MIPOL1: variants seen among roughly 807,000 people sequenced by gnomAD.
MIPOL1 encodes mirror-image polydactyly gene 1 protein.
Under a neutral mutation model 60.9 loss-of-function variants are expected in MIPOL1, and 57 were observed. The observed-to-expected ratio is 0.94, with a 90% CI of 0.76 to 1.17. The LOEUF (loss-of-function observed/expected upper bound fraction) is 1.17, where lower values mean the gene tolerates loss of function less well. Ranked by LOEUF, MIPOL1 falls within the 50% of genes most tolerant of loss-of-function variation. The pLI is 0.00. For missense variants in MIPOL1, 551 were observed against 511.6 expected (o/e 1.08, Z -0.74); for synonymous variants, 179 against 168.8 (o/e 1.06, Z -0.47).
At chr14:37,314,949 A>G (rs555907987) in intron 9 of MIPOL1, among the ~76,000 whole-genome samples, 9 of 152,302 alleles carry the variant, frequency 5.9e-5, no homozygotes, top group African/African-American at 1.9e-4. Flanking sequence ...GAACTCAGCA[A>G]TAATCCAGAT....
At chr14:37,537,495 G>C (rs2095511455) in intron 12 of MIPOL1, among the ~76,000 whole-genome samples, 1 of 152,006 alleles carries the variant, frequency 6.6e-6, no homozygotes, top group Admixed American at 6.6e-5. Flanking sequence ...TATGCCCACA[G>C]CCGAATCAAT....
In MIPOL1 at chr14:37,510,659, C is replaced by T. The variant is rs190342408; in HGVS notation, c.1262+10521C>T. Among the ~76,000 whole-genome samples the T allele has an allele frequency of 2.6e-5, 4 of 152,186 alleles. No individual in the cohort carries two copies. In the East Asian group the frequency reaches 7.7e-4, roughly 29 times the overall value. On this transcript the variant is annotated intron_variant, in intron 12 of 12. Coordinates refer to ENST00000684589, the MANE Select transcript of MIPOL1 (RefSeq NM_001388067.1). The stretch of plus-strand genomic sequence containing the variant: ...CTCTTCTAAAAACTCATGCAGATAC[C>T]TGCTGTAAAGTAAGTACTCTGTAAA...
At chr14:37,344,881 A>C (rs1295145223) in intron 9 of MIPOL1, among the ~76,000 whole-genome samples, 3 of 151,922 alleles carry the variant, frequency 2.0e-5, no homozygotes, top group Non-Finnish European at 2.9e-5. Context: ...ATTTTTAAAA[A>C]TACCCGGGCA....
intron 10 of MIPOL1, among the ~76,000 whole-genome samples, chr14:37,394,807 G>T (rs2093339618): frequency 6.6e-6 from 1 of 151,976 alleles, no homozygotes; most frequent in African/African-American, 2.4e-5. Context: ...TATTGCATTT[G>T]CTTTTGGGTT....
chr14:37,547,246 C>T lies in MIPOL1; in HGVS notation c.*275C>T. 1 of 343,968 alleles carries T rather than the reference C, an allele frequency of 2.9e-6. No individual in the cohort carries two copies. The highest frequency in any genetic ancestry group is 5.3e-6 in the Non-Finnish European group (1 of 189,620). The allele number at this position is 343,968 out of a possible 1,614,324, so 21.3% of individuals were successfully genotyped here. ...TTGTAACTATTTTATATCTCAATAT[C>T]TTTAATATAAATCTTTTTACTGAGA... On this transcript the variant is annotated 3_prime_UTR_variant, in exon 13 of 13. Coordinates refer to ENST00000684589, the MANE Select transcript of MIPOL1 (RefSeq NM_001388067.1).
At chr14:37,258,667 T>C (rs1259551838) in intron 3 of MIPOL1, among the ~76,000 whole-genome samples, 1 of 152,136 alleles carries the variant, frequency 6.6e-6, no homozygotes, top group East Asian at 1.9e-4. Flanking sequence ...TATTACGCTA[T>C]TATATTGTGC....
At chr14:37,217,969 T>A (rs1968038843) in intron 1 of MIPOL1, among the ~76,000 whole-genome samples, 1 of 152,122 alleles carries the variant, frequency 6.6e-6, no homozygotes, top group African/African-American at 2.4e-5. Flanking sequence ...ATCTCACATT[T>A]AAAAAAATTA....
At chr14:37,231,248 C>A (rs2153314546) in intron 1 of MIPOL1, among the ~76,000 whole-genome samples, 1 of 152,156 alleles carries the variant, frequency 6.6e-6, no homozygotes, top group East Asian at 1.9e-4. Flanking sequence ...CCACCATGCC[C>A]AGCTAATGTT....
intron 9 of MIPOL1, among the ~76,000 whole-genome samples, chr14:37,329,973 A>G (rs1460278911): frequency 2.0e-5 from 3 of 152,128 alleles, no homozygotes; most frequent in Non-Finnish European, 4.4e-5. Context: ...TTACAAGGTT[A>G]TAACTGTACA....
chr14:37,530,943 G>A (rs753391001), intron 12 of MIPOL1, among the ~76,000 whole-genome samples: 2 of 151,208 alleles, frequency 1.3e-5, no homozygotes, highest in Non-Finnish European at 3.0e-5. Context: ...TCAGCCCCCC[G>A]AGTAGCTGAG....
intron 9 of MIPOL1, among the ~76,000 whole-genome samples, chr14:37,341,240 G>T (rs2090552171): frequency 6.6e-6 from 1 of 152,166 alleles, no homozygotes; most frequent in Non-Finnish European, 1.5e-5. Context: ...GGCATCAATG[G>T]ATTTGCTTGA....
chr14:37,528,724 CTA>C (rs1289511227), intron 12 of MIPOL1, among the ~76,000 whole-genome samples: 1 of 152,094 alleles, frequency 6.6e-6, no homozygotes, highest in Non-Finnish European at 1.5e-5. Context: ...TACTGAGAAA[CTA>C]TTCAAAATTT....
chr14:37,235,574 G>C (rs1303871469), intron 1 of MIPOL1, among the ~76,000 whole-genome samples: 1 of 152,060 alleles, frequency 6.6e-6, no homozygotes, highest in African/African-American at 2.4e-5. Context: ...ATTCTTGTTT[G>C]TGTGTATGTG....
chr14:37,479,903 T>G (rs2094835897), intron 11 of MIPOL1, among the ~76,000 whole-genome samples: 3 of 152,164 alleles, frequency 2.0e-5, no homozygotes, highest in Middle Eastern at 3.4e-3. Context: ...GGGACTATTA[T>G]GAATAAATAT....
chr14:37,383,926 A>G (rs2092996042), intron 10 of MIPOL1, among the ~76,000 whole-genome samples: 1 of 151,976 alleles, frequency 6.6e-6, no homozygotes, highest in African/African-American at 2.4e-5. Flanking sequence ...TAACATACAA[A>G]TGAACTCAGC....
intron 10 of MIPOL1, among the ~76,000 whole-genome samples, chr14:37,381,759 T>A (rs960911573): frequency 5.9e-5 from 9 of 151,642 alleles, no homozygotes; most frequent in African/African-American, 1.2e-4. Context: ...ATTTTTTTTT[T>A]TTTTATTTTT....
chr14:37,436,051 A>G (rs969737778), intron 11 of MIPOL1, among the ~76,000 whole-genome samples: 3 of 152,240 alleles, frequency 2.0e-5, no homozygotes, highest in Admixed American at 6.5e-5. Context: ...ATATACATAT[A>G]AATGATATCT....
chr14:37,432,213 AC>A, intron 11 of MIPOL1, among the ~76,000 whole-genome samples: 1 of 152,182 alleles, frequency 6.6e-6, no homozygotes, highest in Non-Finnish European at 1.5e-5. Flanking sequence ...AAGTGATCTC[AC>A]TGTGTAAAAT....
At chr14:37,329,982 C>T (rs921204155) in intron 9 of MIPOL1, among the ~76,000 whole-genome samples, 1 of 151,428 alleles carries the variant, frequency 6.6e-6, no homozygotes, top group African/African-American at 2.4e-5. Context: ...TATAACTGTA[C>T]AAAAAGGATC....
Sources: allele counts gnomAD v4.1 joint callset (sites outside exome capture counted in the v4.1 genomes callset), GRCh38; gene constraint gnomAD v4.1.1; transcripts MANE v1.5; gene names NCBI Gene and HGNC (gene_info 2026-07-23, HGNC 2026-07-21).